Variants in PLEKHH2 observed in about 807,000 individuals in gnomAD.
PLEKHH2 encodes the protein pleckstrin homology domain-containing family H member 2.
Under a neutral mutation model 187.9 loss-of-function variants are expected in PLEKHH2, and 129 were observed. The ratio of observed to expected loss-of-function variants is 0.69; its 90% confidence interval spans 0.59 to 0.79. The LOEUF (loss-of-function observed/expected upper bound fraction) is 0.79, where lower values mean the gene tolerates loss of function less well. PLEKHH2 is among the 30% of genes least tolerant of loss of function. PLEKHH2 has a pLI of 0.00. For missense variants in PLEKHH2, 2,076 were observed against 1,751.2 expected, an observed-to-expected ratio of 1.19 and a Z score of -3.31; for synonymous variants, 686 against 605.6, an observed-to-expected ratio of 1.13 and a Z score of -1.95.
chr2:43,647,523 A>C (rs1043326617), intron 2 of PLEKHH2, among the ~76,000 whole-genome samples: 1 of 152,140 alleles, frequency 6.6e-6, no homozygotes, highest in Non-Finnish European at 1.5e-5. Context: ...CATGCAACAT[A>C]AAAATCCACT....
chr2:43,699,160 C>A (rs548234631), intron 7 of PLEKHH2, among the ~76,000 whole-genome samples: 1 of 151,744 alleles, frequency 6.6e-6, no homozygotes, highest in African/African-American at 2.4e-5. Context: ...GTGAAAGTTG[C>A]CCTGTTTCAC....
chr2:43,648,079 C>T (rs1194391650), intron 2 of PLEKHH2, among the ~76,000 whole-genome samples: 1 of 152,194 alleles, frequency 6.6e-6, no homozygotes, highest in African/African-American at 2.4e-5. Context: ...AAAAGCAGAG[C>T]TGCCGTTAGA....
chr2:43,681,504 T>A (rs557229094), intron 3 of PLEKHH2: 1,898 of 1,540,660 alleles, frequency 1.2e-3, no homozygotes, highest in Non-Finnish European at 1.5e-3. Context: ...ATCAACGTTA[T>A]CTTTGTGCAG....
intron 3 of PLEKHH2, among the ~76,000 whole-genome samples, chr2:43,689,053 T>G (rs1188473099): frequency 6.6e-6 from 1 of 152,152 alleles, no homozygotes; most frequent in African/African-American, 2.4e-5. Context: ...GCATAAACTA[T>G]GTGGTGTGGC....
intron 3 of PLEKHH2, among the ~76,000 whole-genome samples, chr2:43,691,106 A>C (rs371632990): frequency 6.6e-6 from 1 of 152,196 alleles, no homozygotes; most frequent in Non-Finnish European, 1.5e-5. Context: ...CCACACACTC[A>C]GTCTCTTTTA....
intron 11 of PLEKHH2, among the ~76,000 whole-genome samples, chr2:43,708,395 A>T (rs1669777380): frequency 6.6e-6 from 1 of 152,088 alleles, no homozygotes; most frequent in Non-Finnish European, 1.5e-5. Flanking sequence ...GCATGCTTGC[A>T]TTTCAGGACC....
At chr2:43,721,303 G>T (rs1429837199) in intron 16 of PLEKHH2, among the ~76,000 whole-genome samples, 1 of 152,108 alleles carries the variant, frequency 6.6e-6, no homozygotes, top group Admixed American at 6.5e-5. Context: ...TCATCATTAT[G>T]GGTATTCTGT....
At chr2:43,764,920 C>T (rs1172867184) in intron 29 of PLEKHH2, among the ~76,000 whole-genome samples, 1 of 152,204 alleles carries the variant, frequency 6.6e-6, no homozygotes, top group African/African-American at 2.4e-5. Flanking sequence ...ACAACTTTAG[C>T]TGTCTTAATG....
chr2:43,752,283 C>A (rs1469080381), intron 24 of PLEKHH2, among the ~76,000 whole-genome samples: 2 of 152,120 alleles, frequency 1.3e-5, no homozygotes, highest in African/African-American at 4.8e-5. Context: ...CAGCCATATT[C>A]TACTACCAGT....
At chr2:43,711,813 G>A in intron 14 of PLEKHH2, 2 of 495,964 alleles carry the variant, frequency 4.0e-6, no homozygotes, top group Non-Finnish European at 5.3e-6. Context: ...AGAATGGTGT[G>A]AACCCAGGAG....
chr2:43,675,511 A>G (rs1667705339), intron 2 of PLEKHH2: 4 of 1,613,892 alleles, frequency 2.5e-6, no homozygotes, highest in Non-Finnish European at 2.5e-6. Flanking sequence ...AGTAATAGCC[A>G]TATCTGAACA....
At chr2:43,721,009 T>A (rs1670452919) in intron 16 of PLEKHH2, among the ~76,000 whole-genome samples, 1 of 152,082 alleles carries the variant, frequency 6.6e-6, no homozygotes, top group Non-Finnish European at 1.5e-5. Context: ...TTCTATTCCC[T>A]CCCCACAACC....
chr2:43,745,867 T>C lies in PLEKHH2; in HGVS notation c.3557T>C (p.Ile1186Thr). The C allele has an allele frequency of 5.0e-6, 8 of 1,603,352 alleles. No individual in the cohort carries two copies. The highest frequency in any genetic ancestry group is 6.8e-6 in the Non-Finnish European group (8 of 1,171,726). ...LEHCLQGNIK[I>T]CDIISKWEQA... ...CTCAGTTTTCCACTTCCTTTCTAGA[T>C]TTGTGACATTATTTCCAAATGGGAA... Residue 1186 changes from isoleucine to threonine, a missense_variant and splice_region_variant, in exon 24 of 30, where the codon ATT (isoleucine) becomes ACT (threonine). Ile to Thr is a moderately conservative substitution (Grantham distance 89). Transcript: ENST00000282406.
At chr2:43,749,609 A>C (rs751897609) in intron 24 of PLEKHH2, among the ~76,000 whole-genome samples, 2 of 152,250 alleles carry the variant, frequency 1.3e-5, no homozygotes, top group Non-Finnish European at 2.9e-5. Flanking sequence ...CTTTGACAGC[A>C]GGAAAAAAAT....
rs1669256641 is a variant in PLEKHH2 at position 43,699,663 on chromosome 2, A to G, written c.705A>G (p.Glu235=). The change falls in exon 8 of 30, where the codon GAA becomes GAG. Residue 235 remains glutamate, a synonymous_variant. Transcript: ENST00000282406. ...CTTTTCTAGAAATGGAAATTCCAGAAAAGTCTGTTGATAACCAAGTTCTAG... is the reference window on the plus strand; with the variant it reads ...CTTTTCTAGAAATGGAAATTCCAGAGAAGTCTGTTGATAACCAAGTTCTAG... ...GKDMEEMEIP[E]KSVDNQVLEN... 9 of 1,611,236 alleles carry G rather than the reference A, an allele frequency of 5.6e-6. No homozygotes were observed. The East Asian group carries it at 1.6e-4, about 28-fold the overall frequency.
chr2:43,740,301 T>G lies in PLEKHH2; in HGVS notation c.3124-645T>G, dbSNP rs1671502550. ...GGATAAAGAAATTAAAAAAATTTTT[T>G]TGTTGTTTGAAGACTTTTTGTACCT... On this transcript the variant is annotated intron_variant, in intron 20 of 29. Coordinates refer to ENST00000282406, the MANE Select transcript of PLEKHH2 (RefSeq NM_172069.4). 2.6e-5 allele frequency among the ~76,000 whole-genome samples: 4 copies of G among 152,278 alleles called. No individual in the cohort carries two copies. The South Asian group carries it at 8.3e-4, about 32-fold the overall frequency.
chr2:43,679,588 C>T (rs190513551), intron 3 of PLEKHH2: 91 of 288,036 alleles, frequency 3.2e-4, no homozygotes, highest in African/African-American at 1.8e-3. Flanking sequence ...CTCCGCCTCC[C>T]GGGTTCAAGT....
At chr2:43,762,512 T>C in intron 28 of PLEKHH2, 122 bp downstream of exon 28, 3 of 704,492 alleles carry the variant, frequency 4.3e-6, no homozygotes, top group Non-Finnish European at 7.3e-6. Flanking sequence ...TTCTTCCTAA[T>C]ACTATGTCAT....
intron 17 of PLEKHH2, among the ~76,000 whole-genome samples, chr2:43,728,062 C>T (rs967223274): frequency 1.3e-5 from 2 of 152,088 alleles, no homozygotes; most frequent in African/African-American, 4.8e-5. Context: ...TCCTATATAC[C>T]ACTGGTGAGA....
Sources: allele counts gnomAD v4.1 joint callset (sites outside exome capture counted in the v4.1 genomes callset), GRCh38; gene constraint gnomAD v4.1.1; transcripts MANE v1.5; gene names NCBI Gene and HGNC (gene_info 2026-07-23, HGNC 2026-07-21).